DLG2: variants seen among roughly 807,000 people sequenced by gnomAD.
DLG2 encodes disks large homolog 2.
Under a neutral mutation model 132.5 loss-of-function variants are expected in DLG2, and 45 were observed. The ratio of observed to expected loss-of-function variants is 0.34; its 90% CI spans 0.27 to 0.44. The LOEUF (loss-of-function observed/expected upper bound fraction) is 0.44, where lower values mean the gene tolerates loss of function less well. DLG2 is among the 20% of genes least tolerant of loss of function. The pLI is 1.00. For missense variants in DLG2, 1,045 were observed against 1,196.9 expected, an observed-to-expected ratio of 0.87 and a Z score of 1.87; for synonymous variants, 424 against 419.6, an observed-to-expected ratio of 1.01 and a Z score of -0.13.
chr11:84,317,391 A>G, intron 7 of DLG2: 4 of 1,353,974 alleles, frequency 3.0e-6, no homozygotes, highest in South Asian at 1.7e-5. Flanking sequence ...GCAACTTGAC[A>G]GTATCCCTGC....
At chr11:84,502,060 T>G (rs2099207849) in intron 7 of DLG2, among the ~76,000 whole-genome samples, 1 of 151,634 alleles carries the variant, frequency 6.6e-6, no homozygotes, top group Admixed American at 6.6e-5. Context: ...TCTTTTCTTT[T>G]TTTCTTTTCT....
At chr11:83,562,608 AGTTT>A (rs976723400) in intron 19 of DLG2, among the ~76,000 whole-genome samples, 2 of 152,202 alleles carry the variant, frequency 1.3e-5, no homozygotes, top group African/African-American at 4.8e-5. Context: ...GGATTTTATT[AGTTT>A]ATTTTTATTA....
At chr11:85,108,007 A>AACACACACACACAC (rs10654409) in intron 6 of DLG2, among the ~76,000 whole-genome samples, 3 of 142,256 alleles carry the variant, frequency 2.1e-5, no homozygotes, top group Non-Finnish European at 4.5e-5. Flanking sequence ...CAAACAAATA[A>AACACACACACACAC]ACACACACAC....
chr11:85,518,022 C>T (rs1238671100), intron 3 of DLG2, among the ~76,000 whole-genome samples: 2 of 152,188 alleles, frequency 1.3e-5, no homozygotes, highest in African/African-American at 4.8e-5. Flanking sequence ...CAAGGCTTCC[C>T]CAGCCATGTG....
intron 6 of DLG2, among the ~76,000 whole-genome samples, chr11:84,988,635 A>G (rs2374575): frequency 5.1e-4 from 77 of 152,332 alleles, no homozygotes; most frequent in African/African-American, 1.8e-3. Flanking sequence ...AAAACCAAAC[A>G]TCGTATGCTC....
chr11:84,927,136 A>G (rs913166981), intron 6 of DLG2, among the ~76,000 whole-genome samples: 43 of 151,972 alleles, frequency 2.8e-4, no homozygotes, highest in Admixed American at 8.5e-4. Flanking sequence ...CCTGGATTAT[A>G]AAAAAAGTTT....
At chr11:84,290,787 T>C (rs951883213) in intron 7 of DLG2, among the ~76,000 whole-genome samples, 3 of 152,148 alleles carry the variant, frequency 2.0e-5, no homozygotes, top group Admixed American at 6.6e-5. Context: ...TCCCAGAAAG[T>C]AGAAATTGTT....
chr11:84,900,961 GT>G (rs1473950366), intron 6 of DLG2, among the ~76,000 whole-genome samples: 1 of 151,930 alleles, frequency 6.6e-6, no homozygotes, highest in African/African-American at 2.4e-5. Context: ...TAAAGTTCAT[GT>G]TTTTCCTTCC....
At chr11:84,604,224 G>C (rs1259095991) in intron 6 of DLG2, among the ~76,000 whole-genome samples, 5 of 151,830 alleles carry the variant, frequency 3.3e-5, no homozygotes, top group African/African-American at 1.2e-4. Flanking sequence ...GATACCAGAG[G>C]AATCAACAGG....
intron 6 of DLG2, among the ~76,000 whole-genome samples, chr11:84,960,443 T>A (rs1195709680): frequency 6.6e-6 from 1 of 151,946 alleles, no homozygotes; most frequent in East Asian, 1.9e-4. Flanking sequence ...TTTTAACTTT[T>A]TTTTTTTTTT....
intron 3 of DLG2, among the ~76,000 whole-genome samples, chr11:85,499,353 G>T (rs538618663): frequency 3.3e-4 from 50 of 152,196 alleles, no homozygotes; most frequent in African/African-American, 1.2e-3. Flanking sequence ...TAGAAGAAAT[G>T]GATAAATTCA....
At chr11:83,626,381 G>A (rs2062532025) in intron 19 of DLG2, among the ~76,000 whole-genome samples, 1 of 152,146 alleles carries the variant, frequency 6.6e-6, no homozygotes, top group South Asian at 2.1e-4. Flanking sequence ...GGGTTCTGTG[G>A]TCTTATTCAT....
At position 83,845,105 on chromosome 11, in the gene DLG2, G is replaced by A. The variant is rs151120899; in HGVS notation, c.1566-11335C>T. Among the ~76,000 whole-genome samples the A allele has an allele frequency of 1.8e-3, 280 of 151,926 alleles. 1 individual carries two copies. The highest frequency in any genetic ancestry group is 3.4e-3 in the Middle Eastern group (1 of 294). Reference sequence around the variant, plus strand: ...ATGGAAGGCCCAGATCTAGTATAACGACAACCCAAAAAGGGTCTATTACCC... The same window carrying A: ...ATGGAAGGCCCAGATCTAGTATAACAACAACCCAAAAAGGGTCTATTACCC... On this transcript the variant is annotated intron_variant, in intron 16 of 27. Coordinates refer to ENST00000376104, the MANE Select transcript of DLG2 (RefSeq NM_001142699.3).
intron 6 of DLG2, among the ~76,000 whole-genome samples, chr11:84,578,173 C>A (rs1170192221): frequency 6.6e-6 from 1 of 152,154 alleles, no homozygotes; most frequent in African/African-American, 2.4e-5. Flanking sequence ...GGACGGGGCC[C>A]TCATAGAGAA....
intron 7 of DLG2, among the ~76,000 whole-genome samples, chr11:84,514,918 G>A (rs1398334857): frequency 6.6e-6 from 1 of 151,852 alleles, no homozygotes; most frequent in South Asian, 2.1e-4. Context: ...AATATTTCAT[G>A]TACCTTATAA....
intron 6 of DLG2, among the ~76,000 whole-genome samples, chr11:85,053,221 T>G (rs1240782646): frequency 6.6e-6 from 1 of 152,014 alleles, no homozygotes; most frequent in African/African-American, 2.4e-5. Flanking sequence ...GCCCTGCCAT[T>G]CCATGATTTC....
Position 84,981,594 on chromosome 11 carries a change from A to G in DLG2, c.357+130067T>C, listed in dbSNP as rs78940201. On this transcript the variant is annotated intron_variant, in intron 6 of 27. Transcript: ENST00000376104. ...CTGTTTTGCTTATAAAACAATAGAC[A>G]GCATTCCTAAAGTCGAGAAATACTT... Among the ~76,000 whole-genome samples the G allele has an allele frequency of 7.0e-3, 1,069 of 152,328 alleles. 11 individuals carry two copies. The highest frequency in any genetic ancestry group is 0.025 in the African/African-American group (1,030 of 41,578).
At chr11:85,039,456 C>T (rs1235524844) in intron 6 of DLG2, among the ~76,000 whole-genome samples, 1 of 151,904 alleles carries the variant, frequency 6.6e-6, no homozygotes, top group African/African-American at 2.4e-5. Context: ...TCTTTTCCTA[C>T]CATTCCCTAG....
At chr11:84,989,536 C>T (rs2056863642) in intron 6 of DLG2, among the ~76,000 whole-genome samples, 1 of 152,178 alleles carries the variant, frequency 6.6e-6, no homozygotes, top group Non-Finnish European at 1.5e-5. Flanking sequence ...CAACATAGCA[C>T]ATCTCCCCAA....
Sources: allele counts gnomAD v4.1 joint callset (sites outside exome capture counted in the v4.1 genomes callset), GRCh38; gene constraint gnomAD v4.1.1; transcripts MANE v1.5; gene names NCBI Gene and HGNC (gene_info 2026-07-23, HGNC 2026-07-21).